Variants in ZNF777 observed in about 807,000 individuals in gnomAD.
ZNF777 encodes the protein zinc finger protein 777.
In ZNF777, 7 loss-of-function variants were observed where a neutral mutation model predicts 72.1. That is an observed-to-expected ratio of 0.10 (90% CI 0.06 to 0.18). ZNF777 has a LOEUF of 0.18. ZNF777 is among the 10% of genes least tolerant of loss of function. ZNF777 has a pLI of 1.00. For missense variants in ZNF777, 828 were observed against 1,128.6 expected (o/e 0.73, Z 3.82); for synonymous variants, 545 against 483.5 (o/e 1.13, Z -1.67).
chr7:149,435,566 C>T (rs981958392), intron 5 of ZNF777, among the ~76,000 whole-genome samples: 1 of 152,080 alleles, frequency 6.6e-6, no homozygotes, highest in Non-Finnish European at 1.5e-5. Context: ...GAATTATCTA[C>T]AGATAATTTT....
At position 149,451,069 on chromosome 7, in the gene ZNF777, G is replaced by A. The variant is rs373973043; in HGVS notation, c.1017C>T (p.Arg339=). The A allele has an allele frequency of 2.0e-5, 33 of 1,613,872 alleles. No homozygotes were observed. The highest frequency in any genetic ancestry group is 4.0e-5 in the African/African-American group (3 of 74,896). Residue 339 remains arginine, a synonymous_variant, in exon 4 of 6, where the codon CGC becomes CGT. Coordinates refer to ENST00000247930, the MANE Select transcript of ZNF777 (RefSeq NM_015694.3). The stretch of plus-strand genomic sequence containing the variant: ...GCTCCTGCATGGTGGGCCGCTCCCC[G>A]CGCTCCATCTGTGACATGAGGTCTG... ...SKPDLMSQME[R]GERPTMQEQE... is the part of the protein sequence containing the mutation.
chr7:149,453,960 G>C (rs1799774267), intron 3 of ZNF777, 151 bp downstream of exon 3: 1 of 1,148,980 alleles, frequency 8.7e-7, no homozygotes, highest in Non-Finnish European at 1.2e-6. Context: ...GGGTATATGA[G>C]GGCGTTTGCT....
chr7:149,450,949 G>C (rs1563238647), intron 4 of ZNF777, 50 bp downstream of exon 4: 1 of 1,520,654 alleles, frequency 6.6e-7, no homozygotes, highest in African/African-American at 1.4e-5. Flanking sequence ...CGCTTCCTGA[G>C]TACTGAAAGA....
intron 3 of ZNF777, among the ~76,000 whole-genome samples, chr7:149,452,879 A>T (rs900078822): frequency 2.6e-5 from 4 of 152,212 alleles, no homozygotes; most frequent in African/African-American, 9.6e-5. Flanking sequence ...CTACTGTAAC[A>T]CACAGAAGTG....
Position 149,432,113 on chromosome 7 carries a change from C to A in ZNF777, c.2159G>T (p.Arg720Leu). 6.2e-7 allele frequency: 1 copy of A among 1,604,008 alleles called. No homozygotes were observed. The change falls in exon 6 of 6, where the codon CGG (arginine) becomes CTG (leucine). Residue 720 changes from arginine to leucine, a missense_variant. Coordinates refer to ENST00000247930, the MANE Select transcript of ZNF777 (RefSeq NM_015694.3). ...CTCGCACTCGGGGCACTTGAAGGGC[C>A]GCTCGCCTGTGTGAGTCCGCTGGTG... ...LRHQRTHTGERPFKCPECEKS... is the reference protein window; with the variant it reads ...LRHQRTHTGELPFKCPECEKS...
In ZNF777 at chr7:149,448,583, A is replaced by ATATATATATAAC. The variant is rs1331158857; in HGVS notation, c.1087+2415_1087+2416insGTTATATATATA. 2.1e-4 allele frequency among the ~76,000 whole-genome samples: 4 copies of ATATATATATAAC among 19,018 alleles called. No individual in the cohort carries two copies. In the African/African-American group the frequency reaches 2.3e-3, roughly 11 times the overall value. 12.5% of individuals were successfully genotyped at this position (19,018 alleles called of 152,430 possible). On this transcript the variant is annotated intron_variant, in intron 4 of 5. Transcript: ENST00000247930. The stretch of plus-strand genomic sequence containing the variant: ...GTTATATAGTTATACATATAACTAT[A>ATATATATATAAC]TATATATATATATATATATATATAT...
At chr7:149,442,832 T>C (rs1427844795) in intron 4 of ZNF777, among the ~76,000 whole-genome samples, 1 of 152,334 alleles carries the variant, frequency 6.6e-6, no homozygotes, top group Non-Finnish European at 1.5e-5. Flanking sequence ...ATCACCCTTA[T>C]GGAAAGTCAA....
rs186408926 is a variant in ZNF777, at chr7:149,451,024, G to A, written c.1062C>T (p.Gly354=). 124 of 1,613,812 alleles carry A rather than the reference G, an allele frequency of 7.7e-5. No homozygotes were observed. In the African/African-American group the frequency reaches 1.2e-3, roughly 16 times the overall value. The change falls in exon 4 of 6, where the codon GGC becomes GGT. Residue 354 remains glycine (G), a synonymous_variant. Coordinates refer to ENST00000247930, the MANE Select transcript of ZNF777 (RefSeq NM_015694.3). ...CAGCACTGGGATCTGTCGGCGTTTCGCCCTCCTCAGAGTCTTCCTGCTCCT... is the reference window on the plus strand; with the variant it reads ...CAGCACTGGGATCTGTCGGCGTTTCACCCTCCTCAGAGTCTTCCTGCTCCT... ...TMQEQEDSEE[G]ETPTDPSAAH...
intron 4 of ZNF777, among the ~76,000 whole-genome samples, chr7:149,442,286 C>T (rs1006664435): frequency 6.7e-6 from 1 of 148,634 alleles, no homozygotes; most frequent in African/African-American, 2.5e-5. Context: ...CACACACACA[C>T]ACACACACAC....
At chr7:149,448,247 C>T (rs1799639490) in intron 4 of ZNF777, among the ~76,000 whole-genome samples, 1 of 151,820 alleles carries the variant, frequency 6.6e-6, no homozygotes, top group South Asian at 2.1e-4. Flanking sequence ...AGGTGGATCA[C>T]TTAAGATTAG....
intron 4 of ZNF777, 72 bp downstream of exon 4, chr7:149,450,927 G>A: frequency 1.4e-6 from 2 of 1,381,332 alleles, no homozygotes; most frequent in Non-Finnish European, 2.0e-6. Flanking sequence ...GGATTGTGCT[G>A]CCTCATGCTG....
At chr7:149,442,567 C>G (rs566661422) in intron 4 of ZNF777, among the ~76,000 whole-genome samples, 3 of 150,840 alleles carry the variant, frequency 2.0e-5, no homozygotes, top group Non-Finnish European at 4.4e-5. Context: ...TTGCAGTGAG[C>G]TGAGATAGCG....
chr7:149,456,290 T>A (rs144086331), intron 1 of ZNF777, among the ~76,000 whole-genome samples: 2 of 152,128 alleles, frequency 1.3e-5, no homozygotes, highest in Admixed American at 6.5e-5. Context: ...TTTCACAACA[T>A]ACATTGCACG....
chr7:149,439,387 A>G (rs148306883), intron 4 of ZNF777, among the ~76,000 whole-genome samples: 30 of 152,298 alleles, frequency 2.0e-4, no homozygotes, highest in African/African-American at 6.7e-4. Context: ...CTTTTTGAAT[A>G]AACATATAAA....
intron 4 of ZNF777, among the ~76,000 whole-genome samples, chr7:149,444,116 TAC>T (rs543866952): frequency 8.5e-5 from 13 of 152,202 alleles, no homozygotes; most frequent in Non-Finnish European, 1.8e-4. Flanking sequence ...ATCCTGCCAA[TAC>T]AGTTTTGTTG....
At chr7:149,439,927 T>C (rs1388792336) in intron 4 of ZNF777, among the ~76,000 whole-genome samples, 1 of 152,240 alleles carries the variant, frequency 6.6e-6, no homozygotes, top group Non-Finnish European at 1.5e-5. Flanking sequence ...TAGAAATCAA[T>C]ATTCTTATTG....
At chr7:149,448,507 ATAT>A (rs1563237666) in intron 4 of ZNF777, among the ~76,000 whole-genome samples, 12 of 127,444 alleles carry the variant, frequency 9.4e-5, no homozygotes, top group South Asian at 2.5e-4. Flanking sequence ...ATATATATAT[ATAT>A]AACTATATAT....
At chr7:149,454,923 G>A (rs1191740065) in intron 2 of ZNF777, among the ~76,000 whole-genome samples, 1 of 152,110 alleles carries the variant, frequency 6.6e-6, no homozygotes, top group Non-Finnish European at 1.5e-5. Flanking sequence ...CTTTGCCTTC[G>A]TAGTCTCTCA....
intron 1 of ZNF777, among the ~76,000 whole-genome samples, chr7:149,457,147 T>C (rs568919043): frequency 1.4e-4 from 21 of 152,326 alleles, no homozygotes; most frequent in African/African-American, 5.1e-4. Flanking sequence ...TTCTGGGATC[T>C]CAATGACCCA....
Sources: allele counts gnomAD v4.1 joint callset (sites outside exome capture counted in the v4.1 genomes callset), GRCh38; gene constraint gnomAD v4.1.1; transcripts MANE v1.5; gene names NCBI Gene and HGNC (gene_info 2026-07-23, HGNC 2026-07-21).